The following PRDM10 variants were observed in gnomAD, a reference collection of about 807,000 sequenced individuals.
PRDM10 encodes PR domain zinc finger protein 10.
Under a neutral mutation model 133.1 loss-of-function variants are expected in PRDM10, and 65 were observed. That is an observed-to-expected ratio of 0.49 (90% CI 0.40 to 0.60). The LOEUF is 0.60. PRDM10 is among the 20% of genes least tolerant of loss of function. The pLI is 0.00. For missense variants in PRDM10, 1,137 were observed against 1,507.1 expected (o/e 0.75, Z 4.07); for synonymous variants, 582 against 580.4 (o/e 1.00, Z -0.04).
chr11:129,920,402 C>A (rs1950489174), intron 13 of PRDM10, among the ~76,000 whole-genome samples: 1 of 152,178 alleles, frequency 6.6e-6, no homozygotes, highest in Non-Finnish European at 1.5e-5. Flanking sequence ...ATCTCCATTC[C>A]TTGCTGTCCA....
In PRDM10 at chr11:129,901,077, A is replaced by T. The variant is rs1949831929; in HGVS notation, c.*1236T>A. On this transcript the variant is annotated 3_prime_UTR_variant, in exon 21 of 21. Coordinates refer to ENST00000360871, the MANE Select transcript of PRDM10 (RefSeq NM_199437.2). ...TGTGTTAGCATGTCACAAAAAGTTA[A>T]AATATATACTGATTTTTTAATGCCC... The T allele has an allele frequency of 6.6e-6, 1 of 152,592 alleles. No homozygotes were observed. The highest frequency in any genetic ancestry group is 1.5e-5 in the Non-Finnish European group (1 of 68,042). 9.5% of individuals were successfully genotyped at this position (152,592 alleles called of 1,614,324 possible).
At chr11:129,917,288 C>G in intron 14 of PRDM10, 51 bp from the exon 15 acceptor site, 1 of 1,366,704 alleles carries the variant, frequency 7.3e-7, no homozygotes, top group Non-Finnish European at 1.0e-6. Flanking sequence ...ATTAACCAAA[C>G]AGAAGCTACA....
At chr11:129,915,104 T>C (rs1565455996) in intron 16 of PRDM10, 86 bp from the exon 17 acceptor site, 1 of 1,383,922 alleles carries the variant, frequency 7.2e-7, no homozygotes, top group Non-Finnish European at 9.8e-7. Context: ...CAAAGATTCC[T>C]AAAGTCTTTT....
chr11:129,932,591 T>A (rs1950905511), intron 9 of PRDM10, among the ~76,000 whole-genome samples: 1 of 152,180 alleles, frequency 6.6e-6, no homozygotes, highest in Admixed American at 6.5e-5. Context: ...TTCCCATTAT[T>A]TCTCTCTTTT....
chr11:129,925,428 T>G (rs1950647212), intron 11 of PRDM10, among the ~76,000 whole-genome samples, 199 bp from the exon 12 acceptor site: 1 of 151,744 alleles, frequency 6.6e-6, no homozygotes, highest in African/African-American at 2.4e-5. Flanking sequence ...AAGCTCATCT[T>G]AAAGAGATGA....
intron 1 of PRDM10, among the ~76,000 whole-genome samples, chr11:129,987,863 C>T (rs1309448952): frequency 1.3e-5 from 2 of 152,066 alleles, no homozygotes; most frequent in African/African-American, 2.4e-5. Flanking sequence ...TAACTGGGCG[C>T]AGTGGCAGGT....
At chr11:129,940,119 T>G (rs1383505892) in intron 7 of PRDM10, among the ~76,000 whole-genome samples, 1 of 152,242 alleles carries the variant, frequency 6.6e-6, no homozygotes, top group Non-Finnish European at 1.5e-5. Context: ...TTTATTTTGC[T>G]TCAGTGTGTC....
At chr11:129,997,065 C>A (rs567107620) in intron 1 of PRDM10, among the ~76,000 whole-genome samples, 1 of 152,250 alleles carries the variant, frequency 6.6e-6, no homozygotes, top group East Asian at 1.9e-4. Context: ...CCACACAGGG[C>A]AGTAAAAGGA....
chr11:129,963,637 C>G (rs1951847699), intron 1 of PRDM10, among the ~76,000 whole-genome samples: 1 of 152,124 alleles, frequency 6.6e-6, no homozygotes, highest in Non-Finnish European at 1.5e-5. Flanking sequence ...TTCTTTCCCT[C>G]CCTTTTCTCA....
At chr11:129,963,777 C>T (rs34660525) in intron 1 of PRDM10, among the ~76,000 whole-genome samples, 11,349 of 152,160 alleles carry the variant, frequency 0.075, 786 homozygotes, top group East Asian at 0.39. Flanking sequence ...GCTGTTAACA[C>T]GGTAACAGTA....
intron 1 of PRDM10, among the ~76,000 whole-genome samples, chr11:129,972,701 G>A (rs1463251806): frequency 1.3e-5 from 2 of 152,214 alleles, no homozygotes; most frequent in Non-Finnish European, 2.9e-5. Context: ...TCTTCAACAA[G>A]AGATTCCTGA....
intron 13 of PRDM10, among the ~76,000 whole-genome samples, chr11:129,922,499 T>G (rs1352227428): frequency 6.6e-6 from 1 of 152,218 alleles, no homozygotes; most frequent in African/African-American, 2.4e-5. Context: ...ACTCTATTTC[T>G]CTTTAATTTC....
chr11:129,909,936 AAGTG>A (rs1370299084), intron 19 of PRDM10, among the ~76,000 whole-genome samples: 1 of 152,244 alleles, frequency 6.6e-6, no homozygotes, highest in African/African-American at 2.4e-5. Flanking sequence ...GCTCTTGGAA[AAGTG>A]AGTGTGTGGA....
chr11:129,909,461 A>G (rs1352834028), intron 19 of PRDM10, among the ~76,000 whole-genome samples: 2 of 152,082 alleles, frequency 1.3e-5, no homozygotes, highest in Non-Finnish European at 2.9e-5. Flanking sequence ...AAAAAAAAAA[A>G]AGAATATTGA....
intron 13 of PRDM10, among the ~76,000 whole-genome samples, chr11:129,920,804 C>G (rs1406024960): frequency 1.3e-5 from 2 of 151,920 alleles, no homozygotes; most frequent in African/African-American, 4.8e-5. Flanking sequence ...GAATCCCTCT[C>G]ACAGCATTTT....
At chr11:129,914,637 TCTGAGAA>T in intron 17 of PRDM10, 60 bp downstream of exon 17, 1 of 1,588,272 alleles carries the variant, frequency 6.3e-7, no homozygotes, top group Non-Finnish European at 8.6e-7. Context: ...CAGCCCCAGC[TCTGAGAA>T]TGAGGTGCTA....
chr11:129,944,151 A>G (rs1951311498), intron 6 of PRDM10, among the ~76,000 whole-genome samples: 1 of 152,170 alleles, frequency 6.6e-6, no homozygotes, highest in Admixed American at 6.5e-5. Flanking sequence ...AACCCTGCCA[A>G]CGCCATGATC....
chr11:129,954,883 G>A (rs1416854953), intron 4 of PRDM10, among the ~76,000 whole-genome samples: 1 of 151,880 alleles, frequency 6.6e-6, no homozygotes, highest in Non-Finnish European at 1.5e-5. Context: ...ATATTGCCCA[G>A]TCTGGTCTCA....
intron 4 of PRDM10, 109 bp downstream of exon 4, chr11:129,955,403 T>A: frequency 2.0e-6 from 2 of 1,023,416 alleles, no homozygotes; most frequent in Non-Finnish European, 2.9e-6. Flanking sequence ...ACATTCTTAG[T>A]ACATGAGAAA....
Sources: gnomAD v4.1 joint callset for allele counts (sites outside exome capture counted in the v4.1 genomes callset) on GRCh38, gnomAD v4.1.1 for gene constraint, MANE v1.5 for transcripts, NCBI Gene and HGNC (gene_info 2026-07-23, HGNC 2026-07-21) for gene names.